The following AGBL1 variants were observed in gnomAD, a reference collection of about 807,000 sequenced individuals.
AGBL1 encodes the protein AGBL carboxypeptidase 1.
Under a neutral mutation model 118.9 loss-of-function variants are expected in AGBL1, and 130 were observed. That is an observed-to-expected ratio of 1.09 (90% CI 0.95 to 1.26). The LOEUF (loss-of-function observed/expected upper bound fraction) is 1.26, where lower values mean the gene tolerates loss of function less well. Ranked by LOEUF, AGBL1 falls within the 50% of genes most tolerant of loss-of-function variation. AGBL1 has a pLI of 0.00. For missense variants in AGBL1, 1,584 were observed against 1,298.1 expected (o/e 1.22, Z -3.38); for synonymous variants, 555 against 478.9 (o/e 1.16, Z -2.08).
At chr15:86,257,072 T>C in intron 8 of AGBL1, 54 bp downstream of exon 8, 1 of 1,545,728 alleles carries the variant, frequency 6.5e-7, no homozygotes, top group Non-Finnish European at 8.8e-7. Flanking sequence ...ATTTTGACCA[T>C]GTTTCCCAGG....
intron 21 of AGBL1, among the ~76,000 whole-genome samples, chr15:86,655,247 C>T (rs1479036132): frequency 6.6e-6 from 1 of 152,104 alleles, no homozygotes; most frequent in Admixed American, 6.6e-5. Flanking sequence ...TGTTTAAATC[C>T]TGAATATCTA....
intron 21 of AGBL1, among the ~76,000 whole-genome samples, chr15:86,585,159 T>G (rs61482468): frequency 0.047 from 7,082 of 152,232 alleles, 348 homozygotes; most frequent in African/African-American, 0.12. Context: ...CTTTTCCTTT[T>G]TGGATGCCTT....
intron 22 of AGBL1, among the ~76,000 whole-genome samples, chr15:86,864,797 A>C (rs1225218230): frequency 6.6e-6 from 1 of 152,208 alleles, no homozygotes; most frequent in South Asian, 2.1e-4. Flanking sequence ...TGCACAATCA[A>C]CGGTGCAGCA....
At chr15:86,359,543 T>A (rs2080773195) in intron 17 of AGBL1, among the ~76,000 whole-genome samples, 2 of 151,512 alleles carry the variant, frequency 1.3e-5, no homozygotes, top group Non-Finnish European at 3.0e-5. Flanking sequence ...GTGTTCCATA[T>A]CAGTTTTAGG....
chr15:86,803,396 C>A (rs566725399), intron 22 of AGBL1, among the ~76,000 whole-genome samples: 1 of 152,270 alleles, frequency 6.6e-6, no homozygotes, highest in East Asian at 1.9e-4. Context: ...GAGGCCTCCC[C>A]AGCCATGTGG....
chr15:86,846,080 C>T (rs1273540814), intron 22 of AGBL1, among the ~76,000 whole-genome samples: 5 of 152,208 alleles, frequency 3.3e-5, no homozygotes, highest in Admixed American at 2.6e-4. Flanking sequence ...TTTTGGATGA[C>T]AATTACACAT....
At chr15:86,181,173 A>G (rs2077547588) in intron 5 of AGBL1, among the ~76,000 whole-genome samples, 1 of 152,110 alleles carries the variant, frequency 6.6e-6, no homozygotes, top group Admixed American at 6.6e-5. Context: ...ATTCATTTAC[A>G]CAATAGAAAT....
intron 21 of AGBL1, among the ~76,000 whole-genome samples, chr15:86,646,912 C>T (rs575077034): frequency 1.3e-5 from 2 of 152,096 alleles, no homozygotes; most frequent in South Asian, 4.2e-4. Context: ...CTTAATTATC[C>T]AGGAAAAGTT....
chr15:86,706,457 G>A (rs2086451355), intron 22 of AGBL1, among the ~76,000 whole-genome samples: 1 of 152,062 alleles, frequency 6.6e-6, no homozygotes, highest in Non-Finnish European at 1.5e-5. Context: ...TTTGATTATA[G>A]CACTTAATTA....
intron 21 of AGBL1, among the ~76,000 whole-genome samples, chr15:86,637,800 T>C (rs1304734269): frequency 2.6e-5 from 4 of 152,196 alleles, no homozygotes; most frequent in Non-Finnish European, 1.5e-5. Flanking sequence ...TGTTTGCTTT[T>C]ATATTGTCAT....
At chr15:86,565,093 G>A (rs776079430) in intron 21 of AGBL1, among the ~76,000 whole-genome samples, 12 of 152,246 alleles carry the variant, frequency 7.9e-5, no homozygotes, top group African/African-American at 1.9e-4. Context: ...CCTTTAGCTC[G>A]GAGAAGTTTG....
intron 5 of AGBL1, among the ~76,000 whole-genome samples, chr15:86,212,273 A>G (rs2078111924): frequency 1.3e-5 from 2 of 152,240 alleles, no homozygotes; most frequent in Admixed American, 6.5e-5. Flanking sequence ...AGTCAGATAC[A>G]TAAATACGCA....
chr15:86,649,572 AT>A (rs530346032), intron 21 of AGBL1, among the ~76,000 whole-genome samples: 170 of 152,270 alleles, frequency 1.1e-3, no homozygotes, highest in African/African-American at 3.9e-3. Flanking sequence ...GAAGCTGAGA[AT>A]ATATGCAAAT....
intron 12 of AGBL1, 28 bp downstream of exon 12, chr15:86,266,485 G>A: frequency 2.7e-6 from 4 of 1,496,442 alleles, no homozygotes; most frequent in Non-Finnish European, 3.6e-6. Context: ...TCTGAGGAAG[G>A]TGGGGCATGG....
intron 22 of AGBL1, among the ~76,000 whole-genome samples, chr15:86,902,271 G>C (rs1483629743): frequency 6.6e-6 from 1 of 152,080 alleles, no homozygotes; most frequent in Non-Finnish European, 1.5e-5. Flanking sequence ...CCAGCATTTG[G>C]TATAATGACT....
chr15:86,796,712 G>A (rs2078577820), intron 22 of AGBL1, among the ~76,000 whole-genome samples: 1 of 152,148 alleles, frequency 6.6e-6, no homozygotes, highest in African/African-American at 2.4e-5. Flanking sequence ...TTAGAACATA[G>A]CTACACCCAT....
At chr15:86,743,866 C>T (rs1042551362) in intron 22 of AGBL1, among the ~76,000 whole-genome samples, 3 of 151,010 alleles carry the variant, frequency 2.0e-5, no homozygotes, top group African/African-American at 7.3e-5. Context: ...CACACACCCC[C>T]ATCCCCCGCA....
intron 22 of AGBL1, among the ~76,000 whole-genome samples, chr15:86,849,226 A>G (rs888839338): frequency 2.0e-5 from 3 of 152,204 alleles, no homozygotes; most frequent in Non-Finnish European, 2.9e-5. Context: ...TCAGTGTTGC[A>G]TGGTTTCAGT....
At chr15:86,173,998 TG>T (rs2077449563) in intron 5 of AGBL1, among the ~76,000 whole-genome samples, 1 of 152,174 alleles carries the variant, frequency 6.6e-6, no homozygotes, top group South Asian at 2.1e-4. Flanking sequence ...GGTATTTTGA[TG>T]GGGGTTGCAT....
Sources: allele counts gnomAD v4.1 joint callset (sites outside exome capture counted in the v4.1 genomes callset), GRCh38; gene constraint gnomAD v4.1.1; transcripts MANE v1.5; gene names NCBI Gene and HGNC (gene_info 2026-07-23, HGNC 2026-07-21).